PAPPA: variants seen among roughly 807,000 people sequenced by gnomAD.
The protein encoded by PAPPA is pappalysin-1.
Under a neutral mutation model 164.0 loss-of-function variants are expected in PAPPA, and 60 were observed. The observed-to-expected ratio is 0.37, with a 90% CI of 0.30 to 0.45. PAPPA has a LOEUF of 0.45. PAPPA is among the 20% of genes least tolerant of loss of function. The probability of loss-of-function intolerance (pLI) is 1.00; values close to 1 mark genes in which losing one functional copy is unlikely to be tolerated. For missense variants in PAPPA, 1,782 were observed against 2,087.3 expected, an observed-to-expected ratio of 0.85 and a Z score of 2.85; for synonymous variants, 875 against 814.1, an observed-to-expected ratio of 1.07 and a Z score of -1.27.
intron 9 of PAPPA, among the ~76,000 whole-genome samples, chr9:116,289,325 G>A (rs10983103): frequency 5.7e-5 from 4 of 70,346 alleles, no homozygotes; most frequent in Admixed American, 2.9e-4. Flanking sequence ...CATATATATG[G>A]CATATATATA....
rs112069651 is a variant in PAPPA, at chr9:116,251,404, G to A, written c.2733-14453G>A. 5.0e-3 allele frequency among the ~76,000 whole-genome samples: 768 copies of A among 152,282 alleles called. 10 individuals carry two copies. Among genetic ancestry groups the A allele is most frequent in the African/African-American group, 0.018 (744 of 41,556 alleles). On this transcript the variant is annotated intron_variant, in intron 7 of 21. Transcript: ENST00000328252. ...TGGTTTTAGATGTGGTGCCAAATTC[G>A]AAAATGCTGTTGGGTTTGCCCTCTG...
intron 1 of PAPPA, among the ~76,000 whole-genome samples, chr9:116,160,888 A>G (rs943601877): frequency 6.6e-6 from 1 of 152,214 alleles, no homozygotes; most frequent in African/African-American, 2.4e-5. Context: ...TTAGGAGGTC[A>G]GCGTTCAGGT....
chr9:116,385,696 C>A (rs1846800780), intron 21 of PAPPA, among the ~76,000 whole-genome samples: 1 of 152,176 alleles, frequency 6.6e-6, no homozygotes, highest in Admixed American at 6.5e-5. Context: ...GTTAAGAAAT[C>A]CTCTTCTTCC....
intron 13 of PAPPA, among the ~76,000 whole-genome samples, chr9:116,339,247 C>T (rs1251281493): frequency 6.6e-6 from 1 of 152,150 alleles, no homozygotes; most frequent in Non-Finnish European, 1.5e-5. Flanking sequence ...CTTCTTGGAA[C>T]TCTTTAAAGA....
chr9:116,386,863 G>A (rs1846821167), intron 21 of PAPPA, among the ~76,000 whole-genome samples: 1 of 152,160 alleles, frequency 6.6e-6, no homozygotes, highest in South Asian at 2.1e-4. Flanking sequence ...TGGCAGCCCA[G>A]AGAGGAGTTT....
chr9:116,361,802 G>A (rs539340413), intron 17 of PAPPA, among the ~76,000 whole-genome samples: 6 of 152,232 alleles, frequency 3.9e-5, no homozygotes, highest in African/African-American at 1.2e-4. Flanking sequence ...CCACAGAGCT[G>A]GGCACAGATT....
intron 10 of PAPPA, among the ~76,000 whole-genome samples, chr9:116,326,491 G>A (rs1031130427): frequency 2.0e-5 from 3 of 152,104 alleles, no homozygotes; most frequent in African/African-American, 7.2e-5. Context: ...TGTACCAGGG[G>A]TTCAAAGAGT....
intron 9 of PAPPA, among the ~76,000 whole-genome samples, chr9:116,299,495 A>C (rs1160419479): frequency 6.6e-6 from 1 of 152,166 alleles, no homozygotes; most frequent in Non-Finnish European, 1.5e-5. Flanking sequence ...TGTCATTCCG[A>C]GAGGTTTTTT....
intron 1 of PAPPA, among the ~76,000 whole-genome samples, chr9:116,177,344 C>G (rs1180113854): frequency 6.6e-6 from 1 of 152,136 alleles, no homozygotes; most frequent in Non-Finnish European, 1.5e-5. Flanking sequence ...ATGCAAGCAC[C>G]CTCACATGCA....
chr9:116,350,696 A>T (rs1229739483), intron 15 of PAPPA, among the ~76,000 whole-genome samples: 2 of 152,150 alleles, frequency 1.3e-5, no homozygotes, highest in Non-Finnish European at 2.9e-5. Context: ...CTTTATATAC[A>T]GCTCCCCTTC....
intron 14 of PAPPA, among the ~76,000 whole-genome samples, chr9:116,345,596 A>T (rs1846197590): frequency 6.6e-6 from 1 of 152,126 alleles, no homozygotes; most frequent in African/African-American, 2.4e-5. Context: ...GACAACAGGG[A>T]GCTGTTGCAG....
At position 116,329,121 on chromosome 9, in the gene PAPPA, T is replaced by G. The variant is rs140863687; in HGVS notation, c.3148-2123T>G. Reference sequence around the variant, plus strand: ...CAAGAAGTAATGGAAAGAGAGACATTTGAATTTGCACAGATTTATAGATGG... The same window carrying G: ...CAAGAAGTAATGGAAAGAGAGACATGTGAATTTGCACAGATTTATAGATGG... On this transcript the variant is annotated intron_variant, in intron 10 of 21. Coordinates refer to ENST00000328252, the MANE Select transcript of PAPPA (RefSeq NM_002581.5). Among the ~76,000 whole-genome samples the G allele has an allele frequency of 2.3e-3, 353 of 152,192 alleles. 1 individual carries two copies. Among genetic ancestry groups the G allele is most frequent in the African/African-American group, 8.0e-3 (333 of 41,530 alleles).
At chr9:116,219,775 G>A (rs1422423306) in intron 4 of PAPPA, among the ~76,000 whole-genome samples, 162 bp from the exon 5 acceptor site, 1 of 152,028 alleles carries the variant, frequency 6.6e-6, no homozygotes, top group Non-Finnish European at 1.5e-5. Context: ...ACACTAATTT[G>A]TTCACAGGCC....
intron 4 of PAPPA, among the ~76,000 whole-genome samples, chr9:116,212,925 C>A (rs1844326339): frequency 6.6e-6 from 1 of 152,202 alleles, no homozygotes; most frequent in Non-Finnish European, 1.5e-5. Context: ...AGAGTCAGAA[C>A]TATCCCCACT....
chr9:116,230,048 T>C (rs1844570429), intron 6 of PAPPA, among the ~76,000 whole-genome samples: 1 of 152,176 alleles, frequency 6.6e-6, no homozygotes, highest in South Asian at 2.1e-4. Flanking sequence ...AAGCATGATA[T>C]GCAGAATGGA....
chr9:116,201,480 G>A (rs1256173017), intron 2 of PAPPA, among the ~76,000 whole-genome samples: 2 of 152,156 alleles, frequency 1.3e-5, no homozygotes, highest in African/African-American at 2.4e-5. Context: ...TCCAGTGTTG[G>A]GAACCAGGTT....
At chr9:116,238,013 C>T (rs778138144) in intron 7 of PAPPA, among the ~76,000 whole-genome samples, 1 of 152,102 alleles carries the variant, frequency 6.6e-6, no homozygotes, top group Non-Finnish European at 1.5e-5. Context: ...GCCACTGCAC[C>T]TGGCTAGTTC....
chr9:116,228,845 G>T (rs115735141), intron 6 of PAPPA, among the ~76,000 whole-genome samples: 1 of 151,990 alleles, frequency 6.6e-6, no homozygotes, highest in African/African-American at 2.4e-5. Flanking sequence ...CTCGAAATCT[G>T]CAATTGTAAT....
chr9:116,214,308 G>C (rs1387504336), intron 4 of PAPPA, among the ~76,000 whole-genome samples: 1 of 152,106 alleles, frequency 6.6e-6, no homozygotes. Flanking sequence ...TGACATGCCG[G>C]ACACTGTATG....
Sources: allele counts gnomAD v4.1 joint callset (sites outside exome capture counted in the v4.1 genomes callset), GRCh38; gene constraint gnomAD v4.1.1; transcripts MANE v1.5; gene names NCBI Gene and HGNC (gene_info 2026-07-23, HGNC 2026-07-21).